Variants in OSBPL5 observed in about 807,000 individuals in gnomAD.
OSBPL5 encodes the protein oxysterol binding protein like 5, also known as oxysterol-binding protein-related protein 5.
A neutral mutation model predicts 111.2 loss-of-function variants in OSBPL5; 71 were observed. The ratio of observed to expected loss-of-function variants is 0.64; its 90% CI spans 0.53 to 0.78. The LOEUF (loss-of-function observed/expected upper bound fraction) is 0.78. Among genes scored for constraint, OSBPL5 ranks in the 30% least tolerant of loss-of-function variants. The pLI, the probability that OSBPL5 is intolerant of heterozygous loss-of-function variation, is 0.00. For missense variants in OSBPL5, 1,210 were observed against 1,189.3 expected (o/e 1.02, Z -0.26); for synonymous variants, 549 against 513.9 (o/e 1.07, Z -0.93).
chr11:3,104,451 C>T lies in OSBPL5; in HGVS notation c.1060-74G>A. On this transcript the variant is annotated intron_variant, in intron 9 of 21. Coordinates refer to ENST00000263650, the MANE Select transcript of OSBPL5 (RefSeq NM_020896.4). The surrounding 1 kb of genome is among the most constrained non-coding windows in gnomAD (Gnocchi z 5.0). ...AAGGGGTGGCGGGACAGTGGCAGCT[C>T]TGGCTGGAGGAGGCTGTACCTGCCA... is the stretch of plus-strand genomic sequence containing the variant. 1 of 1,537,276 alleles carries T rather than the reference C, an allele frequency of 6.5e-7. No individual in the cohort carries two copies. Among genetic ancestry groups the T allele is most frequent in the Non-Finnish European group, 8.8e-7 (1 of 1,141,112 alleles).
intron 1 of OSBPL5, among the ~76,000 whole-genome samples, chr11:3,134,759 CT>C (rs1845905396): frequency 6.7e-6 from 1 of 148,816 alleles, no homozygotes; most frequent in African/African-American, 2.5e-5. Flanking sequence ...TGGGCTTCAG[CT>C]GCGTGAGTGG....
chr11:3,088,180 G>T lies in OSBPL5; in HGVS notation c.*25C>A, dbSNP rs1228662911. Reference sequence around the variant, plus strand: ...GCCTGGGAGGGAGGGCTCAGGACCGGCCAGGAGCTCTGCCCTCAGGGCTCC... The same window carrying T: ...GCCTGGGAGGGAGGGCTCAGGACCGTCCAGGAGCTCTGCCCTCAGGGCTCC... On this transcript the variant is annotated 3_prime_UTR_variant, in exon 22 of 22. Transcript: ENST00000263650. 1 of 1,548,558 alleles carries T rather than the reference G, an allele frequency of 6.5e-7. No individual in the cohort carries two copies.
rs1460604110 is a variant in OSBPL5 at position 3,092,550 on chromosome 11, G to T, written c.2141C>A (p.Pro714His). The part of the protein sequence containing the change: ...EWHYRYEDHS[P>H]WDPLKDIAQF... ...GGCGATGTCCTTCAGGGGGTCCCAG[G>T]GGCTGTGGCTGGAGGGTCCAGAGGG... The change falls in exon 19 of 22, where the codon CCC (proline) becomes CAC (histidine). Residue 714 changes from proline to histidine, a missense_variant. Pro to His is a moderately conservative substitution (Grantham distance 77). Transcript: ENST00000263650. The surrounding 1 kb of genome is among the most constrained non-coding windows in gnomAD (Gnocchi z 5.4). 6.3e-7 allele frequency: 1 copy of T among 1,590,762 alleles called. No homozygotes were observed. The highest frequency in any genetic ancestry group is 2.3e-5 in the East Asian group (1 of 43,910).
In OSBPL5 at chr11:3,107,509, G is replaced by A. The variant is rs1857746849; in HGVS notation, c.867-54C>T. On this transcript the variant is annotated intron_variant, in intron 8 of 21. Coordinates refer to ENST00000263650, the MANE Select transcript of OSBPL5 (RefSeq NM_020896.4). The surrounding 1 kb of genome is among the most constrained non-coding windows in gnomAD (Gnocchi z 6.1). ...CTGTCACAGGTGAGAGCCCAGCACA[G>A]CCCTCTGGGCTGCCCACCCCTCGCT... 2 of 1,578,640 alleles carry A rather than the reference G, an allele frequency of 1.3e-6. No individual in the cohort carries two copies. The highest frequency in any genetic ancestry group is 1.7e-6 in the Non-Finnish European group (2 of 1,152,602).
In OSBPL5 at chr11:3,154,596, G is replaced by C. The variant is rs570377417; in HGVS notation, c.-22+10620C>G. Among the ~76,000 whole-genome samples the C allele has an allele frequency of 6.6e-6, 1 of 152,194 alleles. No individual in the cohort carries two copies. Among genetic ancestry groups the C allele is most frequent in the African/African-American group, 2.4e-5 (1 of 41,514 alleles). ...TCTGATCACATCAAAATCTTACTCCGGGCAAATGCTGGGCCCTCACAGGGG... is the reference window on the plus strand; with the variant it reads ...TCTGATCACATCAAAATCTTACTCCCGGCAAATGCTGGGCCCTCACAGGGG... On this transcript the variant is annotated intron_variant, in intron 1 of 21. Transcript: ENST00000263650. The surrounding 1 kb of genome is among the most constrained non-coding windows in gnomAD (Gnocchi z 4.9).
In OSBPL5 at chr11:3,154,310, C is replaced by T. The variant is rs1173213698; in HGVS notation, c.-22+10906G>A. On this transcript the variant is annotated intron_variant, in intron 1 of 21. Transcript: ENST00000263650. The surrounding 1 kb of genome is among the most constrained non-coding windows in gnomAD (Gnocchi z 4.9). ...GGATGTGTCGTAGAGGGCTTGCTGA[C>T]CCCAAACATGCCGAGTCACCCACAT... 1.3e-5 allele frequency among the ~76,000 whole-genome samples: 2 copies of T among 152,370 alleles called. No individual in the cohort carries two copies. Among genetic ancestry groups the T allele is most frequent in the East Asian group, 3.9e-4 (2 of 5,178 alleles).
In OSBPL5 at chr11:3,162,558, G is replaced by A. The variant is rs181484835; in HGVS notation, c.-22+2658C>T. Among the ~76,000 whole-genome samples, 4 of 152,046 alleles carry A rather than the reference G, an allele frequency of 2.6e-5. No homozygotes were observed. Among genetic ancestry groups the A allele is most frequent in the East Asian group, 3.9e-4 (2 of 5,146 alleles). On this transcript the variant is annotated intron_variant, in intron 1 of 21. Transcript: ENST00000263650. This position sits in a 1 kb window ranked among gnomAD's most constrained non-coding sequence, Gnocchi z 8.1. ...AACTGTGATGCTAAGAGAACAACGC[G>A]GTCCTTAGTCCAAGTCCTTTGTACT...
rs758586378 is a variant in OSBPL5 at position 3,119,563 on chromosome 11, G to A, written c.675C>T (p.Ala225=). The A allele has an allele frequency of 1.9e-5, 30 of 1,576,904 alleles. No homozygotes were observed. Among genetic ancestry groups the A allele is most frequent in the Middle Eastern group, 1.7e-4 (1 of 5,954 alleles). ...PLPSSYLIFR[A]ASESDGRCWL... is the part of the protein sequence containing the mutation. ...GGGACTCACCATCTGACTCGGAGGC[G>A]GCCCTGAAGATCAGGTAGCTGCTGG... Residue 225 remains alanine (A), a synonymous_variant, in exon 7 of 22, where the codon GCC becomes GCT. Coordinates refer to ENST00000263650, the MANE Select transcript of OSBPL5 (RefSeq NM_020896.4).
At chr11:3,128,869 A>G in intron 2 of OSBPL5, 144 bp downstream of exon 2, 1 of 735,842 alleles carries the variant, frequency 1.4e-6, no homozygotes, top group Non-Finnish European at 1.9e-6. Context: ...CTACCAAGCT[A>G]CAAACCGTTT....
chr11:3,112,066 TGTGTGTGC>T lies in OSBPL5; in HGVS notation c.692-4129_692-4122del, dbSNP rs1301197462. Among the ~76,000 whole-genome samples, 506 of 84,554 alleles carry T rather than the reference TGTGTGTGC, an allele frequency of 6.0e-3. 5 individuals carry two copies. Among genetic ancestry groups the T allele is most frequent in the Middle Eastern group, 0.014 (2 of 146 alleles). 55.5% of individuals were successfully genotyped at this position (84,554 alleles called of 152,430 possible). A position where few individuals can be genotyped will look rare whatever the true frequency, so the allele number is the denominator to read the frequency against. The stretch of plus-strand genomic sequence containing the variant: ...GCGCGCATGTGTGTGCATGTGTATG[TGTGTGTGC>T]ATGTGTGTGTGCATGTGTGTGTGCA... On this transcript the variant is annotated intron_variant, in intron 7 of 21. Transcript: ENST00000263650.
In OSBPL5 at chr11:3,102,273, C is replaced by G. The variant is rs996677989; in HGVS notation, c.1335G>C (p.Lys445Asn). 1 of 1,598,022 alleles carries G rather than the reference C, an allele frequency of 6.3e-7. No individual in the cohort carries two copies. Among genetic ancestry groups the G allele is most frequent in the Non-Finnish European group, 8.5e-7 (1 of 1,172,788 alleles). The change falls in exon 12 of 22, where the codon AAG (lysine) becomes AAC (asparagine). Residue 445 changes from lysine (K) to asparagine (N), a missense_variant. By Grantham distance (94) the Lys-to-Asn change is moderately conservative (BLOSUM62 0). Transcript: ENST00000263650. ...SGFYKKPKGI[K>N]KPYNPILGET... is the part of the protein sequence containing the mutation. The stretch of plus-strand genomic sequence containing the variant: ...CCCCCAGGATGGGGTTGTACGGCTT[C>G]TTGATTCCCTGCAGACAACAGAGAC...
chr11:3,156,880 C>T lies in OSBPL5; in HGVS notation c.-22+8336G>A, dbSNP rs4562812. Among the ~76,000 whole-genome samples, 15 of 152,240 alleles carry T rather than the reference C, an allele frequency of 9.9e-5. No homozygotes were observed. The East Asian group carries it at 2.3e-3, about 24-fold the overall frequency. ...GCCCTGCAATGGCCCATTTCACAGA[C>T]GAGGAAACTAAGGCCTGGGGCTTTA... On this transcript the variant is annotated intron_variant, in intron 1 of 21. Transcript: ENST00000263650.
chr11:3,147,497 C>T (rs1479048754), intron 1 of OSBPL5, among the ~76,000 whole-genome samples: 2 of 152,270 alleles, frequency 1.3e-5, no homozygotes, highest in African/African-American at 4.8e-5. Flanking sequence ...GCTATGGGCA[C>T]ATAGCCCCGT....
Position 3,094,300 on chromosome 11 carries a change from A to G in OSBPL5, c.1656T>C (p.Gly552=). 2 of 1,613,476 alleles carry G rather than the reference A, an allele frequency of 1.2e-6. No homozygotes were observed. The highest frequency in any genetic ancestry group is 1.7e-6 in the Non-Finnish European group (2 of 1,179,964). Residue 552 remains glycine (G), a synonymous_variant, in exon 15 of 22, where the codon GGT becomes GGC. Transcript: ENST00000263650. ...ILYGTMTLEL[G]GKVTIECAKN... ...TCGCACACTCGATGGTGACCTTCCCACCCAGCTCCAGGGTCATCGTGCCAT... is the reference window on the plus strand; with the variant it reads ...TCGCACACTCGATGGTGACCTTCCCGCCCAGCTCCAGGGTCATCGTGCCAT...
intron 7 of OSBPL5, among the ~76,000 whole-genome samples, chr11:3,118,110 G>C (rs1452355489): frequency 6.6e-6 from 1 of 152,230 alleles, no homozygotes; most frequent in African/African-American, 2.4e-5. Flanking sequence ...CCTGAGACCA[G>C]AGACTCGTTT....
rs1449075203 is a variant in OSBPL5, at chr11:3,125,646, T to C, written c.219+827A>G. On this transcript the variant is annotated intron_variant, in intron 3 of 21. Transcript: ENST00000263650. ...CGGTGAAACCCGTCTCTACTAAAAATACAAAAAAATTGGCCGGGCGTGGTG... is the reference window on the plus strand; with the variant it reads ...CGGTGAAACCCGTCTCTACTAAAAACACAAAAAAATTGGCCGGGCGTGGTG... 5.3e-5 allele frequency among the ~76,000 whole-genome samples: 8 copies of C among 152,186 alleles called. No homozygotes were observed. In the East Asian group the frequency reaches 1.4e-3, roughly 26 times the overall value.
At chr11:3,147,970 C>T (rs1846418496) in intron 1 of OSBPL5, among the ~76,000 whole-genome samples, 1 of 152,184 alleles carries the variant, frequency 6.6e-6, no homozygotes, top group South Asian at 2.1e-4. Flanking sequence ...GGGCCACTAG[C>T]TGGGCTCCTG....
In OSBPL5 at chr11:3,121,891, G is replaced by A; in HGVS notation, c.402+106C>T. 3.1e-6 allele frequency: 3 copies of A among 968,954 alleles called. No individual in the cohort carries two copies. Among genetic ancestry groups the A allele is most frequent in the East Asian group, 2.6e-5 (1 of 37,860 alleles). The allele number at this position is 968,954 out of a possible 1,614,324, so 60.0% of individuals were successfully genotyped here. A position where few individuals can be genotyped will look rare whatever the true frequency, so the allele number is the denominator to read the frequency against. Reference sequence around the variant, plus strand: ...GCTGCAGTGATAACGGCTAGATGCAGGGAAGTGAATTTCCATCGTTTCAGG... The same window carrying A: ...GCTGCAGTGATAACGGCTAGATGCAAGGAAGTGAATTTCCATCGTTTCAGG... On this transcript the variant is annotated intron_variant, in intron 5 of 21. Transcript: ENST00000263650. The surrounding 1 kb of genome is among the most constrained non-coding windows in gnomAD (Gnocchi z 4.3).
chr11:3,110,623 G>A lies in OSBPL5; in HGVS notation c.692-2678C>T, dbSNP rs548105803. ...AGCTAAAGGGAAAAACCCAAGCTGG[G>A]AACTGCTTAGGGCCAACCTGCCTCC... On this transcript the variant is annotated intron_variant, in intron 7 of 21. Coordinates refer to ENST00000263650, the MANE Select transcript of OSBPL5 (RefSeq NM_020896.4). This position sits in a 1 kb window ranked among gnomAD's most constrained non-coding sequence, Gnocchi z 5.3. 7.9e-5 allele frequency among the ~76,000 whole-genome samples: 12 copies of A among 152,210 alleles called. No individual in the cohort carries two copies. The South Asian group carries it at 2.5e-3, about 32-fold the overall frequency.
Sources: gnomAD v4.1 joint callset for allele counts (sites outside exome capture counted in the v4.1 genomes callset) on GRCh38, gnomAD v4.1.1 for gene constraint, Gnocchi (gnomAD v3.1) non-coding constraint, MANE v1.5 for transcripts, NCBI Gene and HGNC (gene_info 2026-07-23, HGNC 2026-07-21) for gene names.